The following TBC1D22A variants were observed in gnomAD, a reference collection of about 807,000 sequenced individuals.
The protein encoded by TBC1D22A is putative GTPase activator.
Under a neutral mutation model 60.2 loss-of-function variants are expected in TBC1D22A, and 38 were observed. The ratio of observed to expected loss-of-function variants is 0.63; its 90% CI spans 0.49 to 0.83. TBC1D22A has a LOEUF of 0.83. Among genes scored for constraint, TBC1D22A ranks in the 40% least tolerant of loss-of-function variants. The pLI, the probability that TBC1D22A is intolerant of heterozygous loss-of-function variation, is 0.00. For missense variants in TBC1D22A, 628 were observed against 701.0 expected (o/e 0.90, Z 1.18); for synonymous variants, 302 against 281.7 (o/e 1.07, Z -0.72).
chr22:47,173,928 G>C lies in TBC1D22A; in HGVS notation c.*302G>C, dbSNP rs6007619. ...AATGTCCTTGCCAAATGACTGCCTC[G>C]TGCTGCCCCTAGTCCGGGGCAGCCT... On this transcript the variant is annotated 3_prime_UTR_variant, in exon 13 of 13. Coordinates refer to ENST00000337137, the MANE Select transcript of TBC1D22A (RefSeq NM_014346.5). 311,376 of 311,378 alleles carry C rather than the reference G, an allele frequency of 1. 155,687 individuals carry two copies. Among genetic ancestry groups the C allele is most frequent in the Non-Finnish European group, 1 (162,792 of 162,792 alleles). The allele number at this position is 311,378 out of a possible 1,614,324, so 19.3% of individuals were successfully genotyped here. A position where few individuals can be genotyped will look rare whatever the true frequency, so the allele number is the denominator to read the frequency against.
At chr22:47,143,412 A>C (rs558910636) in intron 12 of TBC1D22A, among the ~76,000 whole-genome samples, 1 of 152,332 alleles carries the variant, frequency 6.6e-6, no homozygotes, top group East Asian at 1.9e-4. Context: ...ATTTTACTGG[A>C]ATTAGGAAGT....
intron 8 of TBC1D22A, among the ~76,000 whole-genome samples, chr22:46,971,177 A>G (rs1056029943): frequency 5.3e-5 from 8 of 152,230 alleles, no homozygotes; most frequent in Non-Finnish European, 5.9e-5. Flanking sequence ...GAGAAATGAC[A>G]CCTAGAATAG....
Position 46,792,589 on chromosome 22 carries a change from C to T in TBC1D22A, c.119+13C>T. 6.2e-7 allele frequency: 1 copy of T among 1,614,246 alleles called. No individual in the cohort carries two copies. The highest frequency in any genetic ancestry group is 8.5e-7 in the Non-Finnish European group (1 of 1,180,040). On this transcript the variant is annotated intron_variant, in intron 2 of 12. Coordinates refer to ENST00000337137, the MANE Select transcript of TBC1D22A (RefSeq NM_014346.5). Reference sequence around the variant, plus strand: ...TGTTACATGGCACGTAAGTGACGTTCCAACCTCACTTGGCGTCTCGGCTCT... The same window carrying T: ...TGTTACATGGCACGTAAGTGACGTTTCAACCTCACTTGGCGTCTCGGCTCT...
At chr22:46,974,152 A>T in intron 8 of TBC1D22A, 138 bp from the exon 9 acceptor site, 3 of 655,586 alleles carry the variant, frequency 4.6e-6, no homozygotes, top group Non-Finnish European at 5.5e-6. Context: ...AGGCTGCATG[A>T]GTCATTTAGC....
chr22:46,963,929 A>G (rs528494507), intron 8 of TBC1D22A, among the ~76,000 whole-genome samples: 16 of 152,166 alleles, frequency 1.1e-4, no homozygotes, highest in African/African-American at 2.4e-4. Context: ...TGTTCCTTCT[A>G]TGTGCTCTGA....
intron 1 of TBC1D22A, among the ~76,000 whole-genome samples, chr22:46,769,884 A>C (rs1233111072): frequency 1.3e-5 from 2 of 152,098 alleles, no homozygotes; most frequent in Non-Finnish European, 2.9e-5. Context: ...TACACATGGC[A>C]CACTCAGGAT....
intron 10 of TBC1D22A, among the ~76,000 whole-genome samples, chr22:47,035,749 G>T (rs904257797): frequency 6.6e-6 from 1 of 152,172 alleles, no homozygotes; most frequent in Non-Finnish European, 1.5e-5. Context: ...GCTTAGTGGA[G>T]CCTGCTTGGA....
rs77966560 is a variant in TBC1D22A at position 47,114,107 on chromosome 22, G to A, written c.1425+2504G>A. Among the ~76,000 whole-genome samples the A allele has an allele frequency of 9.2e-3, 1,403 of 152,314 alleles. 17 individuals carry two copies. Among genetic ancestry groups the A allele is most frequent in the African/African-American group, 0.031 (1,304 of 41,564 alleles). On this transcript the variant is annotated intron_variant, in intron 12 of 12. Coordinates refer to ENST00000337137, the MANE Select transcript of TBC1D22A (RefSeq NM_014346.5). ...GATACATTGTGTTTGCTGTTGGGCC[G>A]GAGACATTGCTCTGCTGCTATTAGA... is the stretch of plus-strand genomic sequence containing the variant.
intron 11 of TBC1D22A, among the ~76,000 whole-genome samples, chr22:47,062,034 G>T (rs964040647): frequency 1.5e-5 from 2 of 132,994 alleles, no homozygotes; most frequent in Admixed American, 1.8e-4. Context: ...GTTGCAGTGA[G>T]CCCAGATCGC....
At chr22:46,862,580 A>G (rs960305500) in intron 4 of TBC1D22A, among the ~76,000 whole-genome samples, 1 of 152,122 alleles carries the variant, frequency 6.6e-6, no homozygotes, top group African/African-American at 2.4e-5. Context: ...CAGCCCCGGG[A>G]GCCAGCCAGC....
intron 8 of TBC1D22A, among the ~76,000 whole-genome samples, chr22:46,919,376 C>T (rs566839470): frequency 3.3e-5 from 5 of 152,296 alleles, no homozygotes; most frequent in South Asian, 4.1e-4. Flanking sequence ...CGGGTACGGA[C>T]GCAGCACGTT....
chr22:46,943,130 C>T (rs994219732), intron 8 of TBC1D22A, among the ~76,000 whole-genome samples: 1 of 152,050 alleles, frequency 6.6e-6, no homozygotes, highest in African/African-American at 2.4e-5. Flanking sequence ...GAGCTAATTG[C>T]AATTAATGTA....
intron 6 of TBC1D22A, among the ~76,000 whole-genome samples, chr22:46,894,081 C>G (rs2068544336): frequency 6.6e-6 from 1 of 152,214 alleles, no homozygotes; most frequent in Admixed American, 6.5e-5. Flanking sequence ...ATGTGCCTGT[C>G]TTCCCTCAGT....
chr22:47,106,139 CAA>C (rs1320724397), intron 11 of TBC1D22A, among the ~76,000 whole-genome samples: 4 of 151,638 alleles, frequency 2.6e-5, no homozygotes, highest in African/African-American at 9.7e-5. Flanking sequence ...CCCAGAAAGA[CAA>C]AGAGATGGAA....
At chr22:46,958,013 TC>T (rs1313445673) in intron 8 of TBC1D22A, among the ~76,000 whole-genome samples, 1 of 151,654 alleles carries the variant, frequency 6.6e-6, no homozygotes, top group Non-Finnish European at 1.5e-5. Flanking sequence ...CCTGCATTTC[TC>T]GGGGGTTGGG....
At chr22:46,910,161 A>C (rs541410922) in intron 7 of TBC1D22A, among the ~76,000 whole-genome samples, 1 of 152,104 alleles carries the variant, frequency 6.6e-6, no homozygotes, top group African/African-American at 2.4e-5. Context: ...TCCTCATTCC[A>C]CCCGCGTCTC....
chr22:46,839,935 C>A (rs2086680434), intron 4 of TBC1D22A, among the ~76,000 whole-genome samples: 1 of 152,108 alleles, frequency 6.6e-6, no homozygotes, highest in Non-Finnish European at 1.5e-5. Context: ...ACGGCATATA[C>A]AAAAGTCAAC....
At chr22:47,065,926 TG>T (rs560606326) in intron 11 of TBC1D22A, among the ~76,000 whole-genome samples, 1 of 152,134 alleles carries the variant, frequency 6.6e-6, no homozygotes, top group Non-Finnish European at 1.5e-5. Context: ...GAGTGGACCT[TG>T]GGCACACTGG....
chr22:47,142,129 G>A (rs1469637504), intron 12 of TBC1D22A, among the ~76,000 whole-genome samples: 1 of 152,134 alleles, frequency 6.6e-6, no homozygotes, highest in Admixed American at 6.5e-5. Context: ...CCAGTAGGAA[G>A]ATGGGACCTG....
Sources: allele counts gnomAD v4.1 joint callset (sites outside exome capture counted in the v4.1 genomes callset), GRCh38; gene constraint gnomAD v4.1.1; transcripts MANE v1.5; gene names NCBI Gene and HGNC (gene_info 2026-07-23, HGNC 2026-07-21).